Variants in CRPPA observed in about 807,000 individuals in gnomAD.
CRPPA encodes CDP-L-ribitol pyrophosphorylase A, also known as D-ribitol-5-phosphate cytidylyltransferase.
Under a neutral mutation model 52.0 loss-of-function variants are expected in CRPPA, and 43 were observed. That is an observed-to-expected ratio of 0.83 (90% confidence interval 0.65 to 1.07). The LOEUF (loss-of-function observed/expected upper bound fraction) is 1.07. Ranked by LOEUF, CRPPA falls within the 50% of genes least tolerant of loss-of-function variation. CRPPA has a pLI of 0.00. For synonymous variants in CRPPA, 250 were observed against 203.5 expected (o/e 1.23, Z -1.94); for missense variants, 629 against 551.7 (o/e 1.14, Z -1.40).
chr7:16,250,172 G>T (rs1490682474), intron 8 of CRPPA, among the ~76,000 whole-genome samples: 2 of 152,148 alleles, frequency 1.3e-5, no homozygotes, highest in Non-Finnish European at 2.9e-5. Flanking sequence ...CAAGATTAGA[G>T]AAAACAGAGT....
At position 16,380,776 on chromosome 7, in the gene CRPPA, C is replaced by G. The variant is rs540135243; in HGVS notation, c.535-4535G>C. On this transcript the variant is annotated intron_variant, in intron 2 of 9. Transcript: ENST00000407010. ...CTTCTAGATTTTCTAGTTTATTTTC[C>G]TAGAGGTGTTTGAGGTATTCTCTGA... is the stretch of plus-strand genomic sequence containing the variant. Among the ~76,000 whole-genome samples, 484 of 152,172 alleles carry G rather than the reference C, an allele frequency of 3.2e-3. 1 individual carries two copies. The highest frequency in any genetic ancestry group is 0.011 in the African/African-American group (467 of 41,532).
At chr7:16,331,040 C>A (rs1785539161) in intron 3 of CRPPA, among the ~76,000 whole-genome samples, 1 of 152,174 alleles carries the variant, frequency 6.6e-6, no homozygotes, top group Admixed American at 6.5e-5. Flanking sequence ...CGCTCTGACG[C>A]CCAGGCTGGA....
chr7:16,362,232 T>A (rs1786471330), intron 3 of CRPPA, among the ~76,000 whole-genome samples: 3 of 152,240 alleles, frequency 2.0e-5, no homozygotes, highest in Admixed American at 6.5e-5. Flanking sequence ...CCGGGTAGTT[T>A]ACCAACAATA....
rs1481948233 is a variant in CRPPA, at chr7:16,286,076, T to A, written c.836-7850A>T. ...ATATATATATATATATATATATATA[T>A]ATATAATATTTAAAAAAAAAAATAT... is the stretch of plus-strand genomic sequence containing the variant. On this transcript the variant is annotated intron_variant, in intron 5 of 9. Coordinates refer to ENST00000407010, the MANE Select transcript of CRPPA (RefSeq NM_001101426.4). 2.5e-3 allele frequency among the ~76,000 whole-genome samples: 46 copies of A among 18,214 alleles called. 2 individuals carry two copies. The highest frequency in any genetic ancestry group is 4.3e-3 in the African/African-American group (10 of 2,344). 11.9% of individuals were successfully genotyped at this position (18,214 alleles called of 152,430 possible). A position where few individuals can be genotyped will look rare whatever the true frequency, so the allele number is the denominator to read the frequency against.
intron 3 of CRPPA, among the ~76,000 whole-genome samples, chr7:16,313,643 T>C (rs1785084420): frequency 6.6e-6 from 1 of 152,026 alleles, no homozygotes; most frequent in Non-Finnish European, 1.5e-5. Flanking sequence ...GTCTTTCTTT[T>C]TTAACATATG....
At chr7:16,306,719 TG>T (rs1318089463) in intron 4 of CRPPA, among the ~76,000 whole-genome samples, 16 of 152,302 alleles carry the variant, frequency 1.1e-4, no homozygotes, top group African/African-American at 3.8e-4. Flanking sequence ...TAAAGAAATG[TG>T]GGTCAGGACC....
intron 9 of CRPPA, among the ~76,000 whole-genome samples, chr7:16,173,516 A>G (rs573559080): frequency 7.2e-5 from 11 of 152,328 alleles, no homozygotes; most frequent in African/African-American, 2.6e-4. Context: ...ACTCTTTGCA[A>G]CCTACTACGT....
intron 3 of CRPPA, among the ~76,000 whole-genome samples, chr7:16,343,343 AC>A (rs149267796): frequency 2.0e-5 from 3 of 152,050 alleles, no homozygotes; most frequent in East Asian, 1.9e-4. Context: ...CTTCCTCTCC[AC>A]CCCCCAACTC....
At chr7:16,379,300 A>G (rs1178084306) in intron 2 of CRPPA, among the ~76,000 whole-genome samples, 1 of 152,220 alleles carries the variant, frequency 6.6e-6, no homozygotes, top group Non-Finnish European at 1.5e-5. Context: ...AGATAGTTGT[A>G]GATATGTGGC....
chr7:16,342,826 T>C (rs1785907077), intron 3 of CRPPA, among the ~76,000 whole-genome samples: 1 of 137,894 alleles, frequency 7.3e-6, no homozygotes, highest in South Asian at 2.1e-4. Context: ...TATACATATA[T>C]AGATATATAG....
At chr7:16,236,409 T>C (rs1000429835) in intron 8 of CRPPA, among the ~76,000 whole-genome samples, 6 of 152,214 alleles carry the variant, frequency 3.9e-5, no homozygotes, top group African/African-American at 1.4e-4. Context: ...AAAATTAAGT[T>C]CCATAATTCC....
intron 1 of CRPPA, among the ~76,000 whole-genome samples, chr7:16,416,631 T>G (rs918159829): frequency 1.3e-5 from 2 of 151,162 alleles, no homozygotes; most frequent in African/African-American, 4.9e-5. Context: ...GCGCAGGAGC[T>G]CAAGACCAGC....
chr7:16,293,703 AAC>A (rs1428203036), intron 5 of CRPPA, among the ~76,000 whole-genome samples: 1 of 152,022 alleles, frequency 6.6e-6, no homozygotes, highest in Non-Finnish European at 1.5e-5. Flanking sequence ...CTGAAAAGCT[AAC>A]ACAGAAGCTA....
chr7:16,363,951 G>C (rs1786522465), intron 3 of CRPPA, among the ~76,000 whole-genome samples: 1 of 151,996 alleles, frequency 6.6e-6, no homozygotes, highest in South Asian at 2.1e-4. Context: ...TAACATATTA[G>C]AACAGATAAA....
At chr7:16,284,184 C>T (rs1027914187) in intron 5 of CRPPA, among the ~76,000 whole-genome samples, 5 of 152,022 alleles carry the variant, frequency 3.3e-5, no homozygotes, top group African/African-American at 1.2e-4. Context: ...TTCAGTGTGT[C>T]AGGCATTGTC....
At chr7:16,255,894 A>AT (rs1562589731) in intron 8 of CRPPA, among the ~76,000 whole-genome samples, 2 of 152,228 alleles carry the variant, frequency 1.3e-5, no homozygotes, top group African/African-American at 4.8e-5. Flanking sequence ...CAAAGTCTTC[A>AT]TGACTAAAAC....
At chr7:16,212,483 C>A (rs754589035) in intron 9 of CRPPA, among the ~76,000 whole-genome samples, 1 of 152,094 alleles carries the variant, frequency 6.6e-6, no homozygotes, top group Admixed American at 6.6e-5. Flanking sequence ...TTGATCAAGA[C>A]GTCTGACAAA....
intron 2 of CRPPA, among the ~76,000 whole-genome samples, chr7:16,397,713 C>T (rs935688614): frequency 1.3e-5 from 2 of 152,294 alleles, no homozygotes; most frequent in Admixed American, 6.5e-5. Context: ...GATTGACATG[C>T]GACCAACGTT....
At chr7:16,396,861 GAC>G (rs1787589922) in intron 2 of CRPPA, among the ~76,000 whole-genome samples, 1 of 152,242 alleles carries the variant, frequency 6.6e-6, no homozygotes, top group African/African-American at 2.4e-5. Context: ...AATGGAAGAT[GAC>G]ACATGACTGA....
Sources: allele counts gnomAD v4.1 joint callset (sites outside exome capture counted in the v4.1 genomes callset), GRCh38; gene constraint gnomAD v4.1.1; transcripts MANE v1.5; gene names NCBI Gene and HGNC (gene_info 2026-07-23, HGNC 2026-07-21).